The following GPHN variants were observed in gnomAD, a reference collection of about 807,000 sequenced individuals.
The protein encoded by GPHN is gephyrin.
GPHN carries 17 observed loss-of-function variants against 95.5 expected under a neutral mutation model. The ratio of observed to expected loss-of-function variants is 0.18; its 90% CI spans 0.12 to 0.27. The LOEUF is 0.27. Among genes scored for constraint, GPHN ranks in the 10% least tolerant of loss-of-function variants. The probability of loss-of-function intolerance (pLI) is 1.00; values close to 1 mark genes in which losing one functional copy is unlikely to be tolerated. For synonymous variants in GPHN, 320 were observed against 322.5 expected, an observed-to-expected ratio of 0.99 and a Z score of 0.08; for missense variants, 660 against 978.1, an observed-to-expected ratio of 0.67 and a Z score of 4.34.
At chr14:67,323,795 G>A in the GPHN span, 1 of 1,573,516 alleles carries the variant, frequency 6.4e-7, no homozygotes, top group Non-Finnish European at 8.7e-7. Context: ...ATTGGCCAAA[G>A]AAGGCAAGAA....
the GPHN span, among the ~76,000 whole-genome samples, chr14:67,418,537 C>G: frequency 6.6e-6 from 1 of 152,206 alleles, no homozygotes. Flanking sequence ...CTTTGAGCAC[C>G]ATTGCTTGGT....
chr14:67,303,628 ATG>A, the GPHN span: 1 of 1,532,452 alleles, frequency 6.5e-7, no homozygotes, highest in Non-Finnish European at 9.0e-7. Context: ...TTCATTATTT[ATG>A]TGTTTGTGGA....
the GPHN span, chr14:67,320,464 A>G: frequency 2.2e-6 from 3 of 1,389,066 alleles, no homozygotes; most frequent in East Asian, 7.5e-5. Flanking sequence ...TAACTATATC[A>G]TGTAGGGAAA....
chr14:67,278,141 A>G, the GPHN span, among the ~76,000 whole-genome samples: 1 of 150,094 alleles, frequency 6.7e-6, no homozygotes, highest in Admixed American at 6.7e-5. Flanking sequence ...GGTTCAAGCG[A>G]TTCTCCTGCC....
chr14:66,908,402 A>G lies in GPHN; in HGVS notation c.390-7601A>G, dbSNP rs112000936. 3.1e-3 allele frequency among the ~76,000 whole-genome samples: 470 copies of G among 152,256 alleles called. 11 individuals carry two copies. Among genetic ancestry groups the G allele is most frequent in the African/African-American group, 0.011 (445 of 41,556 alleles). On this transcript the variant is annotated intron_variant, in intron 5 of 22. Coordinates refer to ENST00000478722, the MANE Select transcript of GPHN (RefSeq NM_020806.5). ...CAAAATAAGCAACAAGCAGTATCTT[A>G]TTATAATCCAAAGTATAAAATAAAC... is the stretch of plus-strand genomic sequence containing the variant.
the GPHN span, among the ~76,000 whole-genome samples, chr14:67,436,911 G>A: frequency 6.6e-6 from 1 of 152,110 alleles, no homozygotes; most frequent in African/African-American, 2.4e-5. Context: ...AAAAATATTA[G>A]CCAGGCTTGG....
chr14:66,639,085 TA>T (rs1452032429), intron 1 of GPHN, among the ~76,000 whole-genome samples: 1 of 150,178 alleles, frequency 6.7e-6, no homozygotes, highest in Non-Finnish European at 1.5e-5. Context: ...TCAGATTCAT[TA>T]TATATGGTTC....
intron 8 of GPHN, among the ~76,000 whole-genome samples, chr14:66,957,187 C>CTTTTTT (rs1157690518): frequency 2.8e-4 from 24 of 84,832 alleles, no homozygotes; most frequent in African/African-American, 4.9e-4. Context: ...TTCTTTCTTT[C>CTTTTTT]TTTTTTTTTT....
At chr14:67,733,027 C>G in the GPHN span, among the ~76,000 whole-genome samples, 1 of 151,954 alleles carries the variant, frequency 6.6e-6, no homozygotes, top group Non-Finnish European at 1.5e-5. Flanking sequence ...TGCTAAATGA[C>G]GAGTTCATGG....
intron 2 of GPHN, among the ~76,000 whole-genome samples, chr14:66,718,081 C>CTTTGTG (rs2070362943): frequency 6.6e-6 from 1 of 152,048 alleles, no homozygotes; most frequent in Non-Finnish European, 1.5e-5. Context: ...AGTGTACACC[C>CTTTGTG]TTTGTGTTCA....
chr14:67,408,871 A>C, the GPHN span, among the ~76,000 whole-genome samples: 1 of 152,090 alleles, frequency 6.6e-6, no homozygotes, highest in African/African-American at 2.4e-5. Flanking sequence ...CTGCATAACC[A>C]TAATTTAATT....
chr14:67,306,725 T>C, the GPHN span, among the ~76,000 whole-genome samples: 41 of 152,214 alleles, frequency 2.7e-4, no homozygotes, highest in African/African-American at 9.4e-4. Context: ...TTGCCAAGTT[T>C]TGTCAGACCT....
chr14:67,642,655 C>T, the GPHN span, among the ~76,000 whole-genome samples: 2 of 152,044 alleles, frequency 1.3e-5, no homozygotes, highest in Non-Finnish European at 2.9e-5. Context: ...TGCTTGTCTC[C>T]TGGAAAGCTT....
chr14:67,003,627 C>T (rs973807647), intron 9 of GPHN, among the ~76,000 whole-genome samples: 2 of 151,662 alleles, frequency 1.3e-5, no homozygotes, highest in African/African-American at 4.8e-5. Context: ...CCCACAGCAT[C>T]ATCAATCACT....
At chr14:66,880,603 C>A (rs567722471) in intron 5 of GPHN, among the ~76,000 whole-genome samples, 1 of 151,586 alleles carries the variant, frequency 6.6e-6, no homozygotes, top group African/African-American at 2.4e-5. Context: ...AGCTTATATT[C>A]CAATTTATAA....
chr14:66,743,057 A>G (rs2072932668), intron 2 of GPHN, among the ~76,000 whole-genome samples: 1 of 152,110 alleles, frequency 6.6e-6, no homozygotes, highest in Non-Finnish European at 1.5e-5. Flanking sequence ...TTCATTCACA[A>G]CAAATTGACA....
At chr14:67,522,993 TA>T in the GPHN span, among the ~76,000 whole-genome samples, 1 of 152,226 alleles carries the variant, frequency 6.6e-6, no homozygotes, top group Non-Finnish European at 1.5e-5. Flanking sequence ...TTCTCTTGCC[TA>T]GTACTGTGCT....
the GPHN span, among the ~76,000 whole-genome samples, chr14:67,567,883 G>A: frequency 1.3e-5 from 2 of 152,178 alleles, no homozygotes; most frequent in Non-Finnish European, 2.9e-5. Context: ...TTTTCCTTTA[G>A]GCTCAGTGGA....
chr14:66,545,197 C>T (rs1212513172), intron 1 of GPHN, among the ~76,000 whole-genome samples: 13 of 149,008 alleles, frequency 8.7e-5, no homozygotes, highest in African/African-American at 2.2e-4. Flanking sequence ...AGCGGCTGGC[C>T]GGGCGGGGGG....
Sources: allele counts gnomAD v4.1 joint callset (sites outside exome capture counted in the v4.1 genomes callset), GRCh38; gene constraint gnomAD v4.1.1; transcripts MANE v1.5; gene names NCBI Gene and HGNC (gene_info 2026-07-23, HGNC 2026-07-21).